Variants in SLC6A11 observed in about 807,000 individuals in gnomAD.
SLC6A11 encodes the protein solute carrier family 6 member 11, also known as sodium- and chloride-dependent GABA transporter 3.
A neutral mutation model predicts 74.8 loss-of-function variants in SLC6A11; 25 were observed. That is an observed-to-expected ratio of 0.33 (90% CI 0.24 to 0.47). The LOEUF (loss-of-function observed/expected upper bound fraction) is 0.47. Ranked by LOEUF, SLC6A11 falls within the 20% of genes least tolerant of loss-of-function variation. The pLI is 1.00. For missense variants in SLC6A11, 574 were observed against 837.0 expected (o/e 0.69, Z 3.88); for synonymous variants, 330 against 330.2 (o/e 1.00, Z 0.01).
chr3:10,888,774 T>C (rs889396167), intron 6 of SLC6A11, among the ~76,000 whole-genome samples: 4 of 152,256 alleles, frequency 2.6e-5, no homozygotes, highest in Non-Finnish European at 4.4e-5. Context: ...ACCAAGTGCC[T>C]GTCTTCAGGT....
At chr3:10,876,903 G>T (rs1316136148) in intron 6 of SLC6A11, among the ~76,000 whole-genome samples, 1 of 152,096 alleles carries the variant, frequency 6.6e-6, no homozygotes, top group Non-Finnish European at 1.5e-5. Flanking sequence ...GAGCACATTG[G>T]TCTGAGAGTT....
At chr3:10,932,110 T>C (rs1326109322) in intron 10 of SLC6A11, among the ~76,000 whole-genome samples, 1 of 152,130 alleles carries the variant, frequency 6.6e-6, no homozygotes, top group Non-Finnish European at 1.5e-5. Flanking sequence ...TTGTAAAGAT[T>C]TTCTTTAGAG....
intron 4 of SLC6A11, chr3:10,824,487 C>T (rs1298829783): frequency 6.6e-6 from 1 of 152,190 alleles, no homozygotes; most frequent in Non-Finnish European, 1.5e-5. Flanking sequence ...AGATTTACCA[C>T]TCTCATATAA....
At chr3:10,893,295 T>G (rs1337927440) in intron 6 of SLC6A11, among the ~76,000 whole-genome samples, 2 of 152,156 alleles carry the variant, frequency 1.3e-5, no homozygotes, top group Non-Finnish European at 2.9e-5. Context: ...AATGCAAACT[T>G]CTATCTTATA....
intron 5 of SLC6A11, among the ~76,000 whole-genome samples, chr3:10,871,682 C>G (rs1417950161): frequency 1.3e-5 from 2 of 152,130 alleles, no homozygotes; most frequent in African/African-American, 4.8e-5. Flanking sequence ...ACCATCAAGC[C>G]TTATTGATTA....
At chr3:10,831,734 G>C (rs1449621216) in intron 4 of SLC6A11, among the ~76,000 whole-genome samples, 1 of 152,226 alleles carries the variant, frequency 6.6e-6, no homozygotes, top group African/African-American at 2.4e-5. Context: ...CACGGGGTTA[G>C]TGAATAAGCT....
At chr3:10,871,793 G>A (rs1355032692) in intron 5 of SLC6A11, among the ~76,000 whole-genome samples, 1 of 152,300 alleles carries the variant, frequency 6.6e-6, no homozygotes, top group African/African-American at 2.4e-5. Context: ...AAGAGATTGT[G>A]TTGATTACTT....
intron 6 of SLC6A11, among the ~76,000 whole-genome samples, chr3:10,909,715 GGGT>G (rs1695361736): frequency 6.6e-6 from 1 of 152,234 alleles, no homozygotes; most frequent in South Asian, 2.1e-4. Context: ...CCCATTTCCT[GGGT>G]CAGCAGCTGC....
At chr3:10,937,523 G>T (rs1330571107) in intron 13 of SLC6A11, among the ~76,000 whole-genome samples, 1 of 152,228 alleles carries the variant, frequency 6.6e-6, no homozygotes, top group East Asian at 1.9e-4. Flanking sequence ...TTTATGCCCA[G>T]AAAGGGCCCC....
At chr3:10,876,070 G>T (rs1360139444) in intron 6 of SLC6A11, among the ~76,000 whole-genome samples, 1 of 152,244 alleles carries the variant, frequency 6.6e-6, no homozygotes, top group Non-Finnish European at 1.5e-5. Flanking sequence ...AGGAAATGAG[G>T]CTTGCAAGAA....
intron 4 of SLC6A11, among the ~76,000 whole-genome samples, chr3:10,826,708 A>G (rs770821743): frequency 5.9e-5 from 9 of 152,222 alleles, no homozygotes; most frequent in Non-Finnish European, 1.2e-4. Context: ...CAGGCAGGCA[A>G]TATGTCCTAG....
chr3:10,917,847 A>G (rs1479893159), intron 7 of SLC6A11, among the ~76,000 whole-genome samples: 1 of 152,150 alleles, frequency 6.6e-6, no homozygotes, highest in Non-Finnish European at 1.5e-5. Flanking sequence ...GAATGTCACC[A>G]TAAAGCCTCT....
chr3:10,856,151 G>A (rs1457237862), intron 5 of SLC6A11, among the ~76,000 whole-genome samples: 3 of 152,214 alleles, frequency 2.0e-5, no homozygotes, highest in Non-Finnish European at 4.4e-5. Flanking sequence ...CGGTGGCTAA[G>A]GGAAGAGCAG....
intron 9 of SLC6A11, among the ~76,000 whole-genome samples, chr3:10,927,159 G>A (rs1695619099): frequency 6.6e-6 from 1 of 152,212 alleles, no homozygotes; most frequent in South Asian, 2.1e-4. Context: ...TTTCCCAGAA[G>A]CTGCTAAGCC....
intron 6 of SLC6A11, among the ~76,000 whole-genome samples, chr3:10,900,870 C>G (rs1695231685): frequency 3.3e-5 from 5 of 152,188 alleles, no homozygotes; most frequent in Admixed American, 3.3e-4. Flanking sequence ...ACTCTGACTC[C>G]CCCTGCCTCA....
intron 12 of SLC6A11, among the ~76,000 whole-genome samples, chr3:10,934,657 C>A (rs746725305): frequency 1.3e-5 from 2 of 152,230 alleles, no homozygotes; most frequent in Non-Finnish European, 2.9e-5. Flanking sequence ...AGCATCTTCA[C>A]AGACTGTTGT....
chr3:10,927,962 C>G (rs1274333431), intron 9 of SLC6A11, among the ~76,000 whole-genome samples: 2 of 152,190 alleles, frequency 1.3e-5, no homozygotes, highest in African/African-American at 4.8e-5. Context: ...TAAAGCCCAG[C>G]TCTGGAGCAA....
chr3:10,824,230 G>A (rs747361593), intron 4 of SLC6A11: 1 of 152,180 alleles, frequency 6.6e-6, no homozygotes, highest in African/African-American at 2.4e-5. Context: ...TGTTTTAAAG[G>A]TAGAAGGATC....
rs185567710 is a variant in SLC6A11 at position 10,862,294 on chromosome 3, G to T, written c.757-12667G>T. On this transcript the variant is annotated intron_variant, in intron 5 of 13. Coordinates refer to ENST00000254488, the MANE Select transcript of SLC6A11 (RefSeq NM_014229.3). ...CTAATACCAGTGTAAGCTTGGCTGG[G>T]CACTGTTGGAATGTTTATGTTGCTT... 1.7e-4 allele frequency among the ~76,000 whole-genome samples: 26 copies of T among 152,280 alleles called. 1 individual carries two copies. The East Asian group carries it at 5.0e-3, about 29-fold the overall frequency.
Sources: allele counts gnomAD v4.1 joint callset (sites outside exome capture counted in the v4.1 genomes callset), GRCh38; gene constraint gnomAD v4.1.1; transcripts MANE v1.5; gene names NCBI Gene and HGNC (gene_info 2026-07-23, HGNC 2026-07-21).